Variants in EYS observed in about 807,000 individuals in gnomAD.
The protein encoded by EYS is protein eyes shut homolog.
EYS carries 250 observed loss-of-function variants against 282.1 expected under a neutral mutation model. That is an observed-to-expected ratio of 0.89 (90% confidence interval 0.80 to 0.98). The LOEUF is 0.98. EYS is among the 50% of genes least tolerant of loss of function. The pLI is 0.00. For synonymous variants in EYS, 1,355 were observed against 1,282.9 expected (o/e 1.06, Z -1.20); for missense variants, 4,016 against 3,709.0 (o/e 1.08, Z -2.15).
intron 12 of EYS, among the ~76,000 whole-genome samples, chr6:65,109,171 G>A (rs1208391226): frequency 6.6e-6 from 1 of 151,624 alleles, no homozygotes; most frequent in African/African-American, 2.4e-5. Context: ...TTTCTTTGAT[G>A]ATAGTTATAA....
intron 5 of EYS, among the ~76,000 whole-genome samples, chr6:65,410,851 T>C (rs1457851702): frequency 6.6e-6 from 1 of 151,918 alleles, no homozygotes; most frequent in Non-Finnish European, 1.5e-5. Context: ...TACAAAATAG[T>C]ATACTATTCA....
intron 2 of EYS, among the ~76,000 whole-genome samples, chr6:65,601,677 CTTG>C (rs1765622113): frequency 6.6e-6 from 1 of 151,852 alleles, no homozygotes; most frequent in Non-Finnish European, 1.5e-5. Context: ...AATAGAACTG[CTTG>C]TTAATTTTTC....
chr6:64,045,086 C>T (rs1770557364), intron 33 of EYS, among the ~76,000 whole-genome samples: 1 of 152,166 alleles, frequency 6.6e-6, no homozygotes, highest in African/African-American at 2.4e-5. Flanking sequence ...TCTGTGAGCA[C>T]ACAGGCCATT....
chr6:65,262,260 T>C (rs918512310), intron 12 of EYS, among the ~76,000 whole-genome samples: 4 of 152,140 alleles, frequency 2.6e-5, no homozygotes, highest in South Asian at 2.1e-4. Flanking sequence ...TCATAATCAA[T>C]TTAATCATAA....
chr6:65,197,461 G>C (rs1765797576), intron 12 of EYS, among the ~76,000 whole-genome samples: 1 of 152,078 alleles, frequency 6.6e-6, no homozygotes, highest in African/African-American at 2.4e-5. Flanking sequence ...AGAGCAGAAA[G>C]GTGGTCAGTG....
chr6:64,300,328 A>G (rs1769190532), intron 30 of EYS, among the ~76,000 whole-genome samples: 2 of 152,214 alleles, frequency 1.3e-5, no homozygotes, highest in Admixed American at 1.3e-4. Context: ...GGCAAGTGCA[A>G]CACTGCTGCC....
chr6:63,939,031 G>A (rs998444567), intron 35 of EYS, among the ~76,000 whole-genome samples: 1 of 152,040 alleles, frequency 6.6e-6, no homozygotes, highest in African/African-American at 2.4e-5. Context: ...TGGGGATTGA[G>A]CTCTGAGATC....
At chr6:64,564,531 T>G (rs570991680) in intron 26 of EYS, among the ~76,000 whole-genome samples, 1 of 152,022 alleles carries the variant, frequency 6.6e-6, no homozygotes, top group East Asian at 1.9e-4. Flanking sequence ...TCCGTCCACC[T>G]CCGCCTCCCA....
rs1359122827 is a variant in EYS, at chr6:64,436,153, G to A, written c.5927+21C>T. On this transcript the variant is annotated intron_variant, in intron 28 of 42. Transcript: ENST00000503581. ...CTTTGCTACTTAATGAGATTAACTG[G>A]AAAAGAAATAATTATCTTACCTGAT... 10 of 1,399,996 alleles carry A rather than the reference G, an allele frequency of 7.1e-6. No homozygotes were observed. The African/African-American group carries it at 1.4e-4, about 20-fold the overall frequency. The allele number at this position is 1,399,996 out of a possible 1,614,324, so 86.7% of individuals were successfully genotyped here.
intron 36 of EYS, among the ~76,000 whole-genome samples, chr6:63,817,491 T>G (rs887988822): frequency 1.3e-5 from 2 of 152,148 alleles, no homozygotes; most frequent in African/African-American, 2.4e-5. Context: ...CAATCGCGGA[T>G]GCAGCTACTA....
At chr6:64,589,803 T>G (rs768164104) in intron 26 of EYS, among the ~76,000 whole-genome samples, 2 of 152,030 alleles carry the variant, frequency 1.3e-5, no homozygotes, top group Admixed American at 6.6e-5. Flanking sequence ...AAAGTTCCAG[T>G]GATTTCCTCT....
chr6:65,576,187 C>A (rs934763357), intron 2 of EYS, among the ~76,000 whole-genome samples: 5 of 151,888 alleles, frequency 3.3e-5, no homozygotes, highest in Non-Finnish European at 7.4e-5. Flanking sequence ...AACAAAATAA[C>A]AGCAAAAAGA....
At chr6:65,423,317 T>A (rs866059562) in intron 5 of EYS, among the ~76,000 whole-genome samples, 3 of 152,014 alleles carry the variant, frequency 2.0e-5, no homozygotes, top group Middle Eastern at 3.4e-3. Flanking sequence ...TTATTCAATT[T>A]AAAAATACAT....
rs149672513 is a variant in EYS at position 64,408,374 on chromosome 6, G to A, written c.5928-19534C>T. On this transcript the variant is annotated intron_variant, in intron 28 of 42. Coordinates refer to ENST00000503581, the MANE Select transcript of EYS (RefSeq NM_001142800.2). ...ACTCAGCCTCCCTCCAATCACCTGA[G>A]GAGGGAGAGAGGATGCCTAAGAACA... 8.6e-3 allele frequency among the ~76,000 whole-genome samples: 1,316 copies of A among 152,226 alleles called. 26 individuals carry two copies. Among genetic ancestry groups the A allele is most frequent in the African/African-American group, 0.029 (1,206 of 41,526 alleles).
chr6:64,617,429 G>A lies in EYS; in HGVS notation c.3673C>T (p.Pro1225Ser). The A allele has an allele frequency of 3.2e-6, 5 of 1,545,048 alleles. No individual in the cohort carries two copies. Among genetic ancestry groups the A allele is most frequent in the Non-Finnish European group, 4.4e-6 (5 of 1,141,176 alleles). ...NEPGSTCLCT[P>S]GFMTCSIGLL... ...CCAGTAATCTTTACCATAAATCCAG[G>A]TGTGCATAAACATGTCGAGCCAGGT... Residue 1225 changes from proline to serine, a missense_variant, in exon 24 of 43, where the codon CCT becomes TCT. Coordinates refer to ENST00000503581, the MANE Select transcript of EYS (RefSeq NM_001142800.2).
At chr6:65,158,764 T>C (rs1764784785) in intron 12 of EYS, among the ~76,000 whole-genome samples, 1 of 150,954 alleles carries the variant, frequency 6.6e-6, no homozygotes, top group Non-Finnish European at 1.5e-5. Context: ...TAAAACTGTA[T>C]TATGGTAAGT....
At chr6:65,598,904 G>A (rs1327569882) in intron 2 of EYS, among the ~76,000 whole-genome samples, 1 of 151,906 alleles carries the variant, frequency 6.6e-6, no homozygotes, top group African/African-American at 2.4e-5. Flanking sequence ...TATGAGTTAG[G>A]GTCATCACTT....
chr6:63,931,708 G>A (rs1764900110), intron 35 of EYS, among the ~76,000 whole-genome samples: 1 of 152,132 alleles, frequency 6.6e-6, no homozygotes, highest in Non-Finnish European at 1.5e-5. Flanking sequence ...CAAATACAAT[G>A]TATAAGGATC....
chr6:63,894,227 CCTT>C (rs568983914), intron 35 of EYS, among the ~76,000 whole-genome samples: 510 of 152,270 alleles, frequency 3.3e-3, no homozygotes, highest in African/African-American at 0.012. Context: ...GTAACTGTGA[CCTT>C]CTGGGGAAAC....
Sources: gnomAD v4.1 joint callset for allele counts (sites outside exome capture counted in the v4.1 genomes callset) on GRCh38, gnomAD v4.1.1 for gene constraint, MANE v1.5 for transcripts, NCBI Gene and HGNC (gene_info 2026-07-23, HGNC 2026-07-21) for gene names.